PARD3B: variants seen among roughly 807,000 people sequenced by gnomAD.
PARD3B encodes the protein partitioning defective 3 homolog B.
A neutral mutation model predicts 130.2 loss-of-function variants in PARD3B; 103 were observed. The observed-to-expected ratio is 0.79, with a 90% confidence interval of 0.67 to 0.93. The LOEUF (loss-of-function observed/expected upper bound fraction) is 0.93. Among genes scored for constraint, PARD3B ranks in the 40% least tolerant of loss-of-function variants. The pLI, the probability that PARD3B is intolerant of heterozygous loss-of-function variation, is 0.00. For missense variants in PARD3B, 1,609 were observed against 1,499.2 expected, an observed-to-expected ratio of 1.07 and a Z score of -1.21; for synonymous variants, 583 against 553.2, an observed-to-expected ratio of 1.05 and a Z score of -0.76.
intron 21 of PARD3B, among the ~76,000 whole-genome samples, chr2:205,515,086 C>G (rs983534191): frequency 1.3e-5 from 2 of 152,058 alleles, no homozygotes; most frequent in African/African-American, 4.8e-5. Flanking sequence ...TGAGAACATA[C>G]AGTACTTGGT....
intron 3 of PARD3B, among the ~76,000 whole-genome samples, chr2:205,033,294 A>G (rs1246444404): frequency 6.6e-6 from 1 of 152,198 alleles, no homozygotes; most frequent in East Asian, 1.9e-4. Flanking sequence ...TCCTCTACTT[A>G]TTATTTTAGT....
intron 2 of PARD3B, among the ~76,000 whole-genome samples, chr2:204,794,755 AG>A (rs757654970): frequency 7.9e-5 from 12 of 152,234 alleles, no homozygotes; most frequent in Non-Finnish European, 1.8e-4. Context: ...AATACATGAA[AG>A]TTTAAGTTTC....
Position 205,244,062 on chromosome 2 carries a change from A to G in PARD3B, c.2141-1716A>G, listed in dbSNP as rs962290454. Among the ~76,000 whole-genome samples, 26 of 152,210 alleles carry G rather than the reference A, an allele frequency of 1.7e-4. No homozygotes were observed. Among genetic ancestry groups the G allele is most frequent in the African/African-American group, 6.3e-4 (26 of 41,458 alleles). ...AAATACTTACCTCCCAACTAGAAAT[A>G]AAACAAAAAGTCTAACAATATTTTT... On this transcript the variant is annotated intron_variant, in intron 15 of 22. Coordinates refer to ENST00000406610, the MANE Select transcript of PARD3B (RefSeq NM_001302769.2). The surrounding 1 kb of genome is among the most constrained non-coding windows in gnomAD (Gnocchi z 4.7).
rs138532152 is a variant in PARD3B, at chr2:204,728,796, T to C, written c.222+42514T>C. ...ATCCACTCCTGTGATCTTTCTGCTT[T>C]TTCAGTTGTCTTTTCTTCTAATTTA... On this transcript the variant is annotated intron_variant, in intron 2 of 22. Coordinates refer to ENST00000406610, the MANE Select transcript of PARD3B (RefSeq NM_001302769.2). Among the ~76,000 whole-genome samples, 427 of 152,300 alleles carry C rather than the reference T, an allele frequency of 2.8e-3. 2 individuals are homozygous for C. Among genetic ancestry groups the C allele is most frequent in the African/African-American group, 9.9e-3 (413 of 41,568 alleles).
At chr2:205,570,240 A>G (rs1575390212) in intron 22 of PARD3B, among the ~76,000 whole-genome samples, 2 of 152,314 alleles carry the variant, frequency 1.3e-5, no homozygotes, top group East Asian at 3.9e-4. Flanking sequence ...TTTTGTACAT[A>G]TTCCTGGGGG....
chr2:205,281,800 T>TA lies in PARD3B; in HGVS notation c.2186-18724dup, dbSNP rs1218962878. Among the ~76,000 whole-genome samples the TA allele has an allele frequency of 6.6e-6, 1 of 152,008 alleles. No homozygotes were observed. Among genetic ancestry groups the TA allele is most frequent in the Non-Finnish European group, 1.5e-5 (1 of 67,982 alleles). On this transcript the variant is annotated intron_variant, in intron 16 of 22. Coordinates refer to ENST00000406610, the MANE Select transcript of PARD3B (RefSeq NM_001302769.2). This position sits in a 1 kb window ranked among gnomAD's most constrained non-coding sequence, Gnocchi z 4.2. ...TACATTAAAAGTACCTGTTTTTCCA[T>TA]AAAAAAGAGGAAGAAAAAGAAATTT... is the stretch of plus-strand genomic sequence containing the variant.
chr2:204,985,620 T>C (rs2125224127), intron 3 of PARD3B, among the ~76,000 whole-genome samples: 2 of 152,258 alleles, frequency 1.3e-5, no homozygotes, highest in South Asian at 4.1e-4. Flanking sequence ...CCGCCCTGAC[T>C]TCTTCAGTGG....
chr2:205,073,966 T>G (rs1470963004), intron 4 of PARD3B, among the ~76,000 whole-genome samples: 14 of 152,190 alleles, frequency 9.2e-5, no homozygotes, highest in Non-Finnish European at 1.8e-4. Flanking sequence ...CCTCTTTATC[T>G]TATTAACAGG....
chr2:205,385,129 A>G (rs1039958984), intron 18 of PARD3B, among the ~76,000 whole-genome samples: 5 of 152,156 alleles, frequency 3.3e-5, no homozygotes, highest in African/African-American at 1.2e-4. Context: ...TGTTTGTGAG[A>G]TACATAATTT....
chr2:205,392,636 G>T (rs849236), intron 18 of PARD3B, among the ~76,000 whole-genome samples: 1 of 152,032 alleles, frequency 6.6e-6, no homozygotes, highest in African/African-American at 2.4e-5. Flanking sequence ...TGAGTTTGTC[G>T]TTCGTTATTA....
chr2:205,002,758 C>G (rs1694949989), intron 3 of PARD3B, among the ~76,000 whole-genome samples: 1 of 152,176 alleles, frequency 6.6e-6, no homozygotes, highest in Non-Finnish European at 1.5e-5. Flanking sequence ...TAGTGGCTCC[C>G]CCTTTCATTC....
chr2:204,574,907 C>G (rs1003827053), intron 1 of PARD3B, among the ~76,000 whole-genome samples: 2 of 152,192 alleles, frequency 1.3e-5, no homozygotes, highest in Non-Finnish European at 2.9e-5. Context: ...ATACGCTTTA[C>G]TAAATTTCCT....
intron 15 of PARD3B, among the ~76,000 whole-genome samples, chr2:205,211,833 C>A (rs947863069): frequency 6.6e-6 from 1 of 152,118 alleles, no homozygotes; most frequent in African/African-American, 2.4e-5. Context: ...AATCCCCAGT[C>A]CCCAAACGCT....
In PARD3B at chr2:205,525,795, TCCCCTTCCAG is replaced by T. The variant is rs2051311071; in HGVS notation, c.3180+25772_3180+25781del. On this transcript the variant is annotated intron_variant, in intron 21 of 22. Transcript: ENST00000406610. The surrounding 1 kb of genome is among the most constrained non-coding windows in gnomAD (Gnocchi z 4.2). ...AATCTCGACAAAGGGCCTGACTCTCTCCCCTTCCAGCCCCTTCGCTACAGCAGATATGATT... is the reference window on the plus strand; with the variant it reads ...AATCTCGACAAAGGGCCTGACTCTCTCCCCTTCGCTACAGCAGATATGATT... 6.6e-6 allele frequency among the ~76,000 whole-genome samples: 1 copy of T among 152,180 alleles called. No homozygotes were observed. Among genetic ancestry groups the T allele is most frequent in the African/African-American group, 2.4e-5 (1 of 41,434 alleles).
intron 2 of PARD3B, among the ~76,000 whole-genome samples, chr2:204,886,470 A>T (rs977088641): frequency 1.3e-5 from 2 of 152,190 alleles, no homozygotes; most frequent in Non-Finnish European, 2.9e-5. Flanking sequence ...CTGCCAGCGC[A>T]TTGGGTCTTA....
intron 1 of PARD3B, among the ~76,000 whole-genome samples, chr2:204,550,749 T>G (rs950479499): frequency 6.6e-6 from 1 of 152,240 alleles, no homozygotes; most frequent in African/African-American, 2.4e-5. Flanking sequence ...GTAGTCTGAT[T>G]AGACTAACAA....
At chr2:204,641,543 A>C (rs1445182998) in intron 1 of PARD3B, among the ~76,000 whole-genome samples, 2 of 152,156 alleles carry the variant, frequency 1.3e-5, no homozygotes, top group African/African-American at 2.4e-5. Flanking sequence ...ACTGGAATGA[A>C]GTAGTAATAA....
chr2:204,685,813 T>A (rs895489490), intron 1 of PARD3B, among the ~76,000 whole-genome samples: 1 of 152,192 alleles, frequency 6.6e-6, no homozygotes, highest in African/African-American at 2.4e-5. Flanking sequence ...CTGTTTGGAC[T>A]TTTATTCCTA....
rs1575952970 is a variant in PARD3B at position 205,146,913 on chromosome 2, G to A, written c.1435-11809G>A. Among the ~76,000 whole-genome samples the A allele has an allele frequency of 6.6e-6, 1 of 151,678 alleles. No homozygotes were observed. Among genetic ancestry groups the A allele is most frequent in the Admixed American group, 6.6e-5 (1 of 15,242 alleles). ...GTATTTTTAGTAGGAATGGGGTTTT[G>A]CCATGTTGGCCAGGCTGGTCTCGAA... On this transcript the variant is annotated intron_variant, in intron 10 of 22. Coordinates refer to ENST00000406610, the MANE Select transcript of PARD3B (RefSeq NM_001302769.2). This position sits in a 1 kb window ranked among gnomAD's most constrained non-coding sequence, Gnocchi z 4.3.
Sources: gnomAD v4.1 joint callset for allele counts (sites outside exome capture counted in the v4.1 genomes callset) on GRCh38, gnomAD v4.1.1 for gene constraint, Gnocchi (gnomAD v3.1) non-coding constraint, MANE v1.5 for transcripts, NCBI Gene and HGNC (gene_info 2026-07-23, HGNC 2026-07-21) for gene names.